SLC35F4: variants seen among roughly 807,000 people sequenced by gnomAD.
SLC35F4 encodes solute carrier family 35 member F4, also known as chromosome 14 open reading frame 36.
SLC35F4 carries 24 observed loss-of-function variants against 44.2 expected under a neutral mutation model. The ratio of observed to expected loss-of-function variants is 0.54; its 90% CI spans 0.39 to 0.76. The LOEUF (loss-of-function observed/expected upper bound fraction) is 0.76. SLC35F4 is among the 30% of genes least tolerant of loss of function. SLC35F4 has a pLI of 0.00. For synonymous variants in SLC35F4, 238 were observed against 223.6 expected (o/e 1.06, Z -0.57); for missense variants, 562 against 586.1 (o/e 0.96, Z 0.42).
chr14:57,948,566 T>C (rs1340821578), intron 1 of SLC35F4, among the ~76,000 whole-genome samples: 2 of 152,204 alleles, frequency 1.3e-5, no homozygotes, highest in Non-Finnish European at 2.9e-5. Flanking sequence ...ATTTCTTTTC[T>C]TCTGCTGATT....
chr14:57,710,532 C>T (rs1034827170), intron 1 of SLC35F4, among the ~76,000 whole-genome samples: 5 of 152,114 alleles, frequency 3.3e-5, no homozygotes, highest in Non-Finnish European at 7.3e-5. Flanking sequence ...CCACTGACAA[C>T]TTGCACCATG....
At chr14:57,847,206 T>C (rs1886108854) in intron 1 of SLC35F4, among the ~76,000 whole-genome samples, 1 of 152,220 alleles carries the variant, frequency 6.6e-6, no homozygotes, top group Non-Finnish European at 1.5e-5. Flanking sequence ...GTTCATAGTT[T>C]TGGCTGCTCT....
intron 1 of SLC35F4, among the ~76,000 whole-genome samples, chr14:57,614,081 T>C (rs1428728468): frequency 1.1e-4 from 16 of 152,190 alleles, no homozygotes; most frequent in Admixed American, 1.0e-3. Flanking sequence ...CTAAATGCAT[T>C]TCCCCACATA....
intron 1 of SLC35F4, among the ~76,000 whole-genome samples, chr14:57,817,433 G>A (rs1381678188): frequency 1.3e-5 from 2 of 152,094 alleles, no homozygotes; most frequent in Admixed American, 1.3e-4. Context: ...CCTGAGGCAG[G>A]TGCTTCACGT....
intron 1 of SLC35F4, among the ~76,000 whole-genome samples, chr14:57,927,934 T>G (rs1312997118): frequency 6.6e-6 from 1 of 152,178 alleles, no homozygotes; most frequent in Non-Finnish European, 1.5e-5. Context: ...TGGATCTAGA[T>G]CTCCAAGATT....
intron 1 of SLC35F4, among the ~76,000 whole-genome samples, chr14:57,853,430 T>C (rs1043690659): frequency 6.6e-6 from 1 of 152,180 alleles, no homozygotes; most frequent in Admixed American, 6.5e-5. Flanking sequence ...AATTGCCCTG[T>C]TTCTCTAAAC....
chr14:57,904,318 G>A (rs1889067922), intron 1 of SLC35F4, among the ~76,000 whole-genome samples: 1 of 152,190 alleles, frequency 6.6e-6, no homozygotes, highest in African/African-American at 2.4e-5. Flanking sequence ...TCGGTCTGTT[G>A]AGAAAGTTCT....
intron 1 of SLC35F4, among the ~76,000 whole-genome samples, chr14:57,661,758 G>C (rs930307256): frequency 3.3e-5 from 5 of 152,188 alleles, no homozygotes; most frequent in African/African-American, 1.2e-4. Context: ...AGAATCCCCA[G>C]AGGGTTTGTT....
chr14:57,687,595 C>T (rs572760904), intron 1 of SLC35F4, among the ~76,000 whole-genome samples: 33 of 152,240 alleles, frequency 2.2e-4, no homozygotes, highest in African/African-American at 7.9e-4. Flanking sequence ...TAACACTTTC[C>T]CTCTCTAATA....
intron 1 of SLC35F4, among the ~76,000 whole-genome samples, chr14:57,927,114 A>T (rs1889590040): frequency 6.6e-6 from 1 of 152,204 alleles, no homozygotes; most frequent in African/African-American, 2.4e-5. Context: ...CCCCACTGAC[A>T]CTACATGAAG....
intron 1 of SLC35F4, among the ~76,000 whole-genome samples, chr14:57,907,323 C>G (rs1889120284): frequency 6.6e-6 from 1 of 152,176 alleles, no homozygotes; most frequent in African/African-American, 2.4e-5. Flanking sequence ...AAAACAAAAT[C>G]TGTGTGGCTC....
chr14:57,912,444 TTG>T (rs1311520353), intron 1 of SLC35F4, among the ~76,000 whole-genome samples: 2 of 151,994 alleles, frequency 1.3e-5, no homozygotes, highest in African/African-American at 4.8e-5. Context: ...TTTTGGTATA[TTG>T]TGTTTTTATT....
intron 1 of SLC35F4, among the ~76,000 whole-genome samples, chr14:57,714,300 A>C (rs926630436): frequency 1.3e-5 from 2 of 152,212 alleles, no homozygotes; most frequent in Admixed American, 6.5e-5. Context: ...TTTTGCCTCA[A>C]AACATGATAA....
chr14:57,982,153 C>T (rs1024957896), upstream of SLC35F4: 1 of 152,082 alleles, frequency 6.6e-6, no homozygotes, highest in Non-Finnish European at 1.5e-5. Context: ...CTTCCTACTT[C>T]GTGAGGAGAC....
chr14:57,908,735 C>T (rs1385849946), intron 1 of SLC35F4, among the ~76,000 whole-genome samples: 2 of 152,138 alleles, frequency 1.3e-5, no homozygotes, highest in African/African-American at 4.8e-5. Context: ...CTGTAGGTTG[C>T]CTGCTCACTC....
intron 1 of SLC35F4, among the ~76,000 whole-genome samples, chr14:57,716,893 T>A (rs376660071): frequency 2.3e-5 from 3 of 131,534 alleles, no homozygotes; most frequent in African/African-American, 8.4e-5. Flanking sequence ...GCTTCCAGCC[T>A]CTAGTAACCA....
In SLC35F4 at chr14:57,848,780, T is replaced by C. The variant is rs536021399; in HGVS notation, c.103+16943A>G. On this transcript the variant is annotated intron_variant, in intron 1 of 7. Transcript: ENST00000556826. ...GGGGCAAACATTGGGTAGGTTTGTT[T>C]GTAGGCCGTTATAAATGATTGGCAT... 4.6e-5 allele frequency among the ~76,000 whole-genome samples: 7 copies of C among 152,322 alleles called. No individual in the cohort carries two copies. In the South Asian group the frequency reaches 1.4e-3, roughly 32 times the overall value.
intron 1 of SLC35F4, among the ~76,000 whole-genome samples, chr14:57,904,882 AC>A (rs1008710900): frequency 6.6e-6 from 1 of 152,214 alleles, no homozygotes; most frequent in African/African-American, 2.4e-5. Context: ...TGTAGCTTCA[AC>A]TTTGCAAGGA....
At chr14:57,687,158 G>A (rs1413892096) in intron 1 of SLC35F4, among the ~76,000 whole-genome samples, 1 of 152,132 alleles carries the variant, frequency 6.6e-6, no homozygotes, top group African/African-American at 2.4e-5. Flanking sequence ...CCAGAACTGT[G>A]AGAAAATAAA....
Sources: gnomAD v4.1 joint callset for allele counts (sites outside exome capture counted in the v4.1 genomes callset) on GRCh38, gnomAD v4.1.1 for gene constraint, MANE v1.5 for transcripts, NCBI Gene and HGNC (gene_info 2026-07-23, HGNC 2026-07-21) for gene names.